GNL1: variants seen among roughly 807,000 people sequenced by gnomAD.
GNL1 encodes guanine nucleotide-binding protein-like 1.
Under a neutral mutation model 75.2 loss-of-function variants are expected in GNL1, and 21 were observed. The observed-to-expected ratio is 0.28, with a 90% CI of 0.20 to 0.40. The LOEUF is 0.40. Among genes scored for constraint, GNL1 ranks in the 10% least tolerant of loss-of-function variants. The pLI, the probability that GNL1 is intolerant of heterozygous loss-of-function variation, is 1.00. For synonymous variants in GNL1, 287 were observed against 303.4 expected (o/e 0.95, Z 0.56); for missense variants, 579 against 775.0 (o/e 0.75, Z 3.00).
Position 30,552,429 on chromosome 6 carries a change from C to T in GNL1, c.1099+38G>A. 3.9e-6 allele frequency: 6 copies of T among 1,554,286 alleles called. No homozygotes were observed. The highest frequency in any genetic ancestry group is 5.3e-6 in the Non-Finnish European group (6 of 1,131,930). On this transcript the variant is annotated intron_variant, in intron 8 of 11. Coordinates refer to ENST00000376621, the MANE Select transcript of GNL1 (RefSeq NM_005275.5). The surrounding 1 kb of genome is among the most constrained non-coding windows in gnomAD (Gnocchi z 4.5). ...CTCCGAATATGAAAACTCTGTACCTCCTTGGAGGCCACCACGCACAAGCTG... is the reference window on the plus strand; with the variant it reads ...CTCCGAATATGAAAACTCTGTACCTTCTTGGAGGCCACCACGCACAAGCTG...
Position 30,552,507 on chromosome 6 carries a change from T to C in GNL1, c.1059A>G (p.Gln353=), listed in dbSNP as rs1391875213. Residue 353 remains glutamine, a synonymous_variant, in exon 8 of 12, where the codon CAA becomes CAG. Transcript: ENST00000376621. This position sits in a 1 kb window ranked among gnomAD's most constrained non-coding sequence, Gnocchi z 4.5. Reference sequence around the variant, plus strand: ...TCACCACCCCATCCTTGTAGCGCTCTTGGGTTGGGCCAGTTGGCTCCATTG... The same window carrying C: ...TCACCACCCCATCCTTGTAGCGCTCCTGGGTTGGGCCAGTTGGCTCCATTG... The part of the protein sequence containing the change: ...DSAMEPTGPT[Q]ERYKDGVVTI... 1 of 1,614,146 alleles carries C rather than the reference T, an allele frequency of 6.2e-7. No individual in the cohort carries two copies. Among genetic ancestry groups the C allele is most frequent in the South Asian group, 1.1e-5 (1 of 91,088 alleles).
In GNL1 at chr6:30,552,368, C is replaced by T; in HGVS notation, c.1099+99G>A. On this transcript the variant is annotated intron_variant, in intron 8 of 11. Coordinates refer to ENST00000376621, the MANE Select transcript of GNL1 (RefSeq NM_005275.5). This position sits in a 1 kb window ranked among gnomAD's most constrained non-coding sequence, Gnocchi z 4.5. ...CTGGCAGAGATCACCCCTCAGACAC[C>T]CTGGGGCCTAATGAGACCTGATCGC... is the stretch of plus-strand genomic sequence containing the variant. 9.9e-7 allele frequency: 1 copy of T among 1,008,692 alleles called. No individual in the cohort carries two copies. The highest frequency in any genetic ancestry group is 1.5e-6 in the Non-Finnish European group (1 of 666,468). The allele number at this position is 1,008,692 out of a possible 1,614,324, so 62.5% of individuals were successfully genotyped here.
chr6:30,554,851 T>C lies in GNL1; in HGVS notation c.441A>G (p.Gln147=). The C allele has an allele frequency of 6.2e-7, 1 of 1,612,574 alleles. No homozygotes were observed. Residue 147 remains glutamine, a synonymous_variant, in exon 4 of 12, where the codon CAA becomes CAG. Transcript: ENST00000376621. ...YEMSKEQLMS[Q]EERSFQDYLG... is the part of the protein sequence containing the mutation. ...GATAGTCTTGGAAGCTCCGTTCCTC[T>C]TGGCTCATTAGTTGCTCCTTGGACA...
chr6:30,544,317 A>G lies in GNL1; in HGVS notation c.*1755T>C, dbSNP rs931235046. On this transcript the variant is annotated 3_prime_UTR_variant, in exon 12 of 12. Transcript: ENST00000376621. ...ACCCCTGAGGTGGAAAAAGATAAAG[A>G]CAAGCAAAGATAAACAGCACAGGAA... 6 of 152,170 alleles carry G rather than the reference A, an allele frequency of 3.9e-5. No homozygotes were observed. Among genetic ancestry groups the G allele is most frequent in the Admixed American group, 1.3e-4 (2 of 15,284 alleles). 9.4% of individuals were successfully genotyped at this position (152,170 alleles called of 1,614,324 possible). A position where few individuals can be genotyped will look rare whatever the true frequency, so the allele number is the denominator to read the frequency against.
At position 30,556,070 on chromosome 6, in the gene GNL1, C is replaced by A. The variant is rs1800155775; in HGVS notation, c.73+61G>T. On this transcript the variant is annotated intron_variant, in intron 1 of 11. Transcript: ENST00000376621. This position sits in a 1 kb window ranked among gnomAD's most constrained non-coding sequence, Gnocchi z 5.7. ...GATCCCCAGAGGTGCAGCGGGCACA[C>A]CCCTCCTTCCAGATGTGCGGAAGCC... 1 of 1,574,094 alleles carries A rather than the reference C, an allele frequency of 6.4e-7. No individual in the cohort carries two copies.
At position 30,555,428 on chromosome 6, in the gene GNL1, G is replaced by T; in HGVS notation, c.239+127C>A. ...AGACTGTGGCCCGCTGTGGGGAGCC[G>T]AGTGGCTAGCGGAGAACTGTGGCAT... On this transcript the variant is annotated intron_variant, in intron 2 of 11. Coordinates refer to ENST00000376621, the MANE Select transcript of GNL1 (RefSeq NM_005275.5). The surrounding 1 kb of genome is among the most constrained non-coding windows in gnomAD (Gnocchi z 4.3). The T allele has an allele frequency of 9.7e-7, 1 of 1,035,452 alleles. No individual in the cohort carries two copies. Among genetic ancestry groups the T allele is most frequent in the South Asian group, 1.5e-5 (1 of 67,022 alleles). 64.1% of individuals were successfully genotyped at this position (1,035,452 alleles called of 1,614,324 possible). A position where few individuals can be genotyped will look rare whatever the true frequency, so the allele number is the denominator to read the frequency against.
chr6:30,552,665 C>G lies in GNL1; in HGVS notation c.905-4G>C. The G allele has an allele frequency of 6.2e-7, 1 of 1,611,362 alleles. No individual in the cohort carries two copies. The highest frequency in any genetic ancestry group is 8.5e-7 in the Non-Finnish European group (1 of 1,178,332). On this transcript the variant is annotated splice_polypyrimidine_tract_variant and splice_region_variant and intron_variant, in intron 7 of 11. Transcript: ENST00000376621. This position sits in a 1 kb window ranked among gnomAD's most constrained non-coding sequence, Gnocchi z 4.5. ...TCCCGCCAGCTGCTCAAGTCCACTG[C>G]TCAAAGAAGGAGAAGATTAAAGAGG...
rs750735474 is a variant in GNL1 at position 30,546,881 on chromosome 6, T to C, written c.1442-45A>G. The C allele has an allele frequency of 2.0e-6, 3 of 1,475,374 alleles. No individual in the cohort carries two copies. The allele number at this position is 1,475,374 out of a possible 1,614,324, so 91.4% of individuals were successfully genotyped here. On this transcript the variant is annotated intron_variant, in intron 10 of 11. Coordinates refer to ENST00000376621, the MANE Select transcript of GNL1 (RefSeq NM_005275.5). This position sits in a 1 kb window ranked among gnomAD's most constrained non-coding sequence, Gnocchi z 5.1. Reference sequence around the variant, plus strand: ...ATGGAAAGGGAAAGCATTAACCAGGTACCAGTTATACTCCCACTCCCATAA... The same window carrying C: ...ATGGAAAGGGAAAGCATTAACCAGGCACCAGTTATACTCCCACTCCCATAA...
At chr6:30,554,550 G>C (rs768044483) in intron 5 of GNL1, 25 bp downstream of exon 5, 3 of 1,428,940 alleles carry the variant, frequency 2.1e-6, no homozygotes, top group African/African-American at 2.8e-5. Context: ...CCTCCTCCTT[G>C]CCCACCCTTA....
chr6:30,549,492 C>G (rs1298005091), intron 8 of GNL1, among the ~76,000 whole-genome samples: 1 of 152,166 alleles, frequency 6.6e-6, no homozygotes, highest in Non-Finnish European at 1.5e-5. Flanking sequence ...AGACTCTTTT[C>G]ACACAATGTT....
rs1799602518 is a variant in GNL1, at chr6:30,548,959, C to T, written c.1100-1429G>A. 6.6e-6 allele frequency among the ~76,000 whole-genome samples: 1 copy of T among 152,028 alleles called. No homozygotes were observed. Among genetic ancestry groups the T allele is most frequent in the African/African-American group, 2.4e-5 (1 of 41,376 alleles). ...CATGTGCAGCCTGATGAACCCCATA[C>T]CACCCAATGTGTGACAACATGTTCC... On this transcript the variant is annotated intron_variant, in intron 8 of 11. Coordinates refer to ENST00000376621, the MANE Select transcript of GNL1 (RefSeq NM_005275.5). The surrounding 1 kb of genome is among the most constrained non-coding windows in gnomAD (Gnocchi z 4.2).
In GNL1 at chr6:30,547,349, T is replaced by C; in HGVS notation, c.1278+3A>G. 1.3e-6 allele frequency: 2 copies of C among 1,598,680 alleles called. No individual in the cohort carries two copies. The highest frequency in any genetic ancestry group is 1.7e-6 in the Non-Finnish European group (2 of 1,171,650). ...TTTCCCTTACCCACCCTCCCCGTCATACCTGCAACTGCCTAGGCAGAAGAG... is the reference window on the plus strand; with the variant it reads ...TTTCCCTTACCCACCCTCCCCGTCACACCTGCAACTGCCTAGGCAGAAGAG... On this transcript the variant is annotated splice_donor_region_variant and intron_variant, in intron 9 of 11. Coordinates refer to ENST00000376621, the MANE Select transcript of GNL1 (RefSeq NM_005275.5). The surrounding 1 kb of genome is among the most constrained non-coding windows in gnomAD (Gnocchi z 5.5).
In GNL1 at chr6:30,555,062, A is replaced by G. The variant is rs1266328346; in HGVS notation, c.369T>C (p.Pro123=). 1 of 1,612,874 alleles carries G rather than the reference A, an allele frequency of 6.2e-7. No individual in the cohort carries two copies. Among genetic ancestry groups the G allele is most frequent in the African/African-American group, 1.3e-5 (1 of 74,880 alleles). Residue 123 remains proline (P), a synonymous_variant, in exon 3 of 12, where the codon CCT becomes CCC. Transcript: ENST00000376621. This position sits in a 1 kb window ranked among gnomAD's most constrained non-coding sequence, Gnocchi z 4.3. ...LELDIREVYQ[P]GSVLDFPRRP... is the part of the protein sequence containing the mutation. ...TGTCTTGCTCTCACTCACCTGAGCCAGGCTGATACACCTCCCGGATGTCCA... is the reference window on the plus strand; with the variant it reads ...TGTCTTGCTCTCACTCACCTGAGCCGGGCTGATACACCTCCCGGATGTCCA...
rs1799815227 is a variant in GNL1 at position 30,552,044 on chromosome 6, T to TG, written c.1099+422dup. The stretch of plus-strand genomic sequence containing the variant: ...CACTTGGCTAGTTTTCTTTATCTTT[T>TG]GTAAAGATGGGGTTTCACTATGTTG... On this transcript the variant is annotated intron_variant, in intron 8 of 11. Transcript: ENST00000376621. This position sits in a 1 kb window ranked among gnomAD's most constrained non-coding sequence, Gnocchi z 4.5. 1 of 165,758 alleles carries TG rather than the reference T, an allele frequency of 6.0e-6. No homozygotes were observed. Among genetic ancestry groups the TG allele is most frequent in the African/African-American group, 2.4e-5 (1 of 41,890 alleles). 10.3% of individuals were successfully genotyped at this position (165,758 alleles called of 1,614,324 possible).
Position 30,553,411 on chromosome 6 carries a change from G to A in GNL1, c.747C>T (p.Leu249=), listed in dbSNP as rs994929747. ...KHYFHQHYPQ[L]HVVLFTSFPR... ...GAAAAGAGGTGAAAAGGACGACGTG[G>A]AGCTGGGGATAGTGTTGATGGAAAT... The change falls in exon 6 of 12, where the codon CTC becomes CTT. Residue 249 remains leucine (L), a synonymous_variant. Transcript: ENST00000376621. 9.9e-6 allele frequency: 16 copies of A among 1,612,796 alleles called. No homozygotes were observed. The Admixed American group carries it at 1.3e-4, about 13-fold the overall frequency.
At chr6:30,549,971 G>A (rs1799673828) in intron 8 of GNL1, among the ~76,000 whole-genome samples, 2 of 151,838 alleles carry the variant, frequency 1.3e-5, no homozygotes, top group Middle Eastern at 3.4e-3. Flanking sequence ...CTACAGGCAC[G>A]CACCACCACA....
At chr6:30,551,842 T>G (rs115134085) in intron 8 of GNL1, among the ~76,000 whole-genome samples, 1 of 152,126 alleles carries the variant, frequency 6.6e-6, no homozygotes, top group Non-Finnish European at 1.5e-5. Flanking sequence ...TACACTCTCT[T>G]AACACTATTC....
At position 30,556,034 on chromosome 6, in the gene GNL1, C is replaced by A; in HGVS notation, c.73+97G>T. On this transcript the variant is annotated intron_variant, in intron 1 of 11. Transcript: ENST00000376621. The surrounding 1 kb of genome is among the most constrained non-coding windows in gnomAD (Gnocchi z 5.7). ...CGCGAGGGTTGACGCGGTCCCACGACCCCCTCCCACGATCCCCAGAGGTGC... is the reference window on the plus strand; with the variant it reads ...CGCGAGGGTTGACGCGGTCCCACGAACCCCTCCCACGATCCCCAGAGGTGC... The A allele has an allele frequency of 6.9e-7, 1 of 1,457,694 alleles. No individual in the cohort carries two copies. The highest frequency in any genetic ancestry group is 9.5e-7 in the Non-Finnish European group (1 of 1,056,560). The allele number at this position is 1,457,694 out of a possible 1,614,324, so 90.3% of individuals were successfully genotyped here. A position where few individuals can be genotyped will look rare whatever the true frequency, so the allele number is the denominator to read the frequency against.
chr6:30,553,497 C>A lies in GNL1; in HGVS notation c.661G>T (p.Val221Leu). The part of the protein sequence containing the change: ...YVTGELGLAL[V>L]LVLNKVDLAP... ...AGATCCACCTTGTTCAAAACCAGCA[C>A]CAGGGCCAGTCCAAGTTCTCCAGTC... is the stretch of plus-strand genomic sequence containing the variant. Residue 221 changes from valine to leucine, a missense_variant, in exon 6 of 12, where the codon GTG becomes TTG. Coordinates refer to ENST00000376621, the MANE Select transcript of GNL1 (RefSeq NM_005275.5). The A allele has an allele frequency of 1.2e-6, 2 of 1,612,962 alleles. No individual in the cohort carries two copies. Among genetic ancestry groups the A allele is most frequent in the Middle Eastern group, 1.7e-4 (1 of 6,060 alleles).
Sources: allele counts gnomAD v4.1 joint callset (sites outside exome capture counted in the v4.1 genomes callset), GRCh38; gene constraint gnomAD v4.1.1; non-coding constraint Gnocchi (gnomAD v3.1); transcripts MANE v1.5; gene names NCBI Gene and HGNC (gene_info 2026-07-23, HGNC 2026-07-21).